Variants in GRID1 observed in about 807,000 individuals in gnomAD.
GRID1 encodes glutamate ionotropic receptor delta type subunit 1.
GRID1 carries 28 observed loss-of-function variants against 98.0 expected under a neutral mutation model. The observed-to-expected ratio is 0.29, with a 90% confidence interval of 0.21 to 0.39. GRID1 has a LOEUF of 0.39. Ranked by LOEUF, GRID1 falls within the 10% of genes least tolerant of loss-of-function variation. The pLI is 1.00. For synonymous variants in GRID1, 553 were observed against 538.5 expected, an observed-to-expected ratio of 1.03 and a Z score of -0.37; for missense variants, 1,111 against 1,340.5, an observed-to-expected ratio of 0.83 and a Z score of 2.67.
At chr10:85,705,957 T>G (rs1841512099) in intron 12 of GRID1, among the ~76,000 whole-genome samples, 1 of 152,220 alleles carries the variant, frequency 6.6e-6, no homozygotes, top group Non-Finnish European at 1.5e-5. Context: ...TGATGGGACG[T>G]ATCTCAAAAT....
intron 8 of GRID1, among the ~76,000 whole-genome samples, chr10:85,827,999 C>T (rs1358922570): frequency 6.6e-6 from 1 of 152,138 alleles, no homozygotes; most frequent in Non-Finnish European, 1.5e-5. Context: ...CTCATTTGCA[C>T]ATGGCACATA....
chr10:86,217,216 G>A (rs1846188465), intron 2 of GRID1, among the ~76,000 whole-genome samples: 1 of 152,194 alleles, frequency 6.6e-6, no homozygotes, highest in East Asian at 1.9e-4. Context: ...TGATCTCAAA[G>A]TTAAGAGACC....
rs531292633 is a variant in GRID1, at chr10:86,353,763, C to T, written c.235+10178G>A. The stretch of plus-strand genomic sequence containing the variant: ...ACGGCCCACGGGGTTGTTTTAGTTA[C>T]GAGAGCCCTGTGGGAGAGGTGAGTG... On this transcript the variant is annotated intron_variant, in intron 2 of 15. Transcript: ENST00000327946. Among the ~76,000 whole-genome samples, 51 of 152,296 alleles carry T rather than the reference C, an allele frequency of 3.3e-4. No homozygotes were observed. In the Middle Eastern group the frequency reaches 0.024, roughly 71 times the overall value.
At chr10:86,201,591 G>A (rs1564704854) in intron 3 of GRID1, among the ~76,000 whole-genome samples, 2 of 151,902 alleles carry the variant, frequency 1.3e-5, no homozygotes, top group African/African-American at 2.4e-5. Flanking sequence ...TGGGTACTAG[G>A]CTTACTGTCT....
At chr10:85,659,553 T>C (rs1253145535) in intron 12 of GRID1, among the ~76,000 whole-genome samples, 1 of 152,180 alleles carries the variant, frequency 6.6e-6, no homozygotes, top group Non-Finnish European at 1.5e-5. Context: ...GTGGGACAGC[T>C]GGAGGGAAAA....
rs73340506 is a variant in GRID1 at position 85,857,564 on chromosome 10, C to G, written c.952-1374G>C. On this transcript the variant is annotated intron_variant, in intron 6 of 15. Transcript: ENST00000327946. ...AGGAGAAGAGGAGGAGAAGGGAAGGCGGTGAGGGCGAGGTAGCGTCCACCC... is the reference window on the plus strand; with the variant it reads ...AGGAGAAGAGGAGGAGAAGGGAAGGGGGTGAGGGCGAGGTAGCGTCCACCC... Among the ~76,000 whole-genome samples, 827 of 152,216 alleles carry G rather than the reference C, an allele frequency of 5.4e-3. 5 individuals carry two copies. The highest frequency in any genetic ancestry group is 0.019 in the African/African-American group (780 of 41,538).
intron 2 of GRID1, among the ~76,000 whole-genome samples, chr10:86,257,418 A>G (rs1337605575): frequency 6.6e-6 from 1 of 152,250 alleles, no homozygotes; most frequent in African/African-American, 2.4e-5. Flanking sequence ...ATGGGCCATA[A>G]TGAGCAAAAC....
chr10:85,657,193 T>C (rs561846866), intron 12 of GRID1, among the ~76,000 whole-genome samples: 1 of 152,258 alleles, frequency 6.6e-6, no homozygotes, highest in Admixed American at 6.5e-5. Context: ...GACAATCTTT[T>C]ACAAAACACA....
intron 8 of GRID1, among the ~76,000 whole-genome samples, chr10:85,740,167 C>T (rs1456042826): frequency 6.6e-6 from 1 of 152,114 alleles, no homozygotes; most frequent in African/African-American, 2.4e-5. Context: ...AAGGCATTCT[C>T]TATAGTGGGA....
intron 4 of GRID1, among the ~76,000 whole-genome samples, chr10:86,027,806 C>T (rs2131890817): frequency 6.6e-6 from 1 of 152,306 alleles, no homozygotes; most frequent in Non-Finnish European, 1.5e-5. Context: ...GATTTATTGG[C>T]ATAAAATCAA....
intron 4 of GRID1, among the ~76,000 whole-genome samples, chr10:86,041,852 C>G (rs1262964723): frequency 3.3e-5 from 5 of 152,138 alleles, no homozygotes; most frequent in African/African-American, 1.2e-4. Flanking sequence ...ATTTCCACCA[C>G]TTTTCACCCA....
chr10:86,027,800 T>C (rs1449188751), intron 4 of GRID1, among the ~76,000 whole-genome samples: 2 of 152,222 alleles, frequency 1.3e-5, no homozygotes, highest in Non-Finnish European at 2.9e-5. Flanking sequence ...CTAATTGATT[T>C]ATTGGCATAA....
chr10:85,930,352 C>T (rs1010215428), intron 4 of GRID1, among the ~76,000 whole-genome samples: 1 of 150,372 alleles, frequency 6.7e-6, no homozygotes, highest in Non-Finnish European at 1.5e-5. Flanking sequence ...TTTATAACTA[C>T]AAAATTGTTT....
intron 8 of GRID1, among the ~76,000 whole-genome samples, chr10:85,822,763 CA>C (rs1325057989): frequency 6.6e-6 from 1 of 152,104 alleles, no homozygotes; most frequent in Non-Finnish European, 1.5e-5. Context: ...GCACTATTCA[CA>C]ATAGCAAAGA....
At chr10:85,627,821 C>T (rs576554966) in intron 13 of GRID1, among the ~76,000 whole-genome samples, 17 of 152,180 alleles carry the variant, frequency 1.1e-4, no homozygotes, top group East Asian at 1.9e-4. Context: ...GAGGGCTCAA[C>T]GCGAGTTCCG....
chr10:85,776,213 A>G (rs1842329704), intron 8 of GRID1, among the ~76,000 whole-genome samples: 1 of 152,154 alleles, frequency 6.6e-6, no homozygotes, highest in African/African-American at 2.4e-5. Flanking sequence ...AAGACTACAA[A>G]GATAAGCAAG....
chr10:86,174,004 C>T (rs1311946820), intron 3 of GRID1, among the ~76,000 whole-genome samples: 7 of 152,008 alleles, frequency 4.6e-5, no homozygotes, highest in African/African-American at 4.8e-5. Context: ...GGTTCCAAGT[C>T]TTTGCTATTG....
intron 8 of GRID1, among the ~76,000 whole-genome samples, chr10:85,850,655 G>C (rs1843049857): frequency 6.6e-6 from 1 of 152,174 alleles, no homozygotes; most frequent in East Asian, 1.9e-4. Flanking sequence ...TGCTCTTGTG[G>C]AGTCTGAGAT....
intron 2 of GRID1, among the ~76,000 whole-genome samples, chr10:86,290,411 G>C (rs1011526187): frequency 6.6e-6 from 1 of 152,164 alleles, no homozygotes; most frequent in Non-Finnish European, 1.5e-5. Context: ...ACTTTGGGAG[G>C]CCAAGGAGGC....
Sources: gnomAD v4.1 joint callset for allele counts (sites outside exome capture counted in the v4.1 genomes callset) on GRCh38, gnomAD v4.1.1 for gene constraint, MANE v1.5 for transcripts, NCBI Gene and HGNC (gene_info 2026-07-23, HGNC 2026-07-21) for gene names.